HAAO: variants seen among roughly 807,000 people sequenced by gnomAD.
HAAO encodes 3-hydroxyanthranilate oxygenase.
Under a neutral mutation model 46.2 loss-of-function variants are expected in HAAO, and 49 were observed. That is an observed-to-expected ratio of 1.06 (90% CI 0.84 to 1.34). The LOEUF (loss-of-function observed/expected upper bound fraction) is 1.34. Among genes scored for constraint, HAAO ranks in the 40% most tolerant of loss-of-function variants. The pLI, the probability that HAAO is intolerant of heterozygous loss-of-function variation, is 0.00. For synonymous variants in HAAO, 157 were observed against 145.2 expected (o/e 1.08, Z -0.58); for missense variants, 408 against 364.5 (o/e 1.12, Z -0.97).
intron 1 of HAAO, among the ~76,000 whole-genome samples, chr2:42,791,350 G>A (rs553962922): frequency 3.3e-5 from 5 of 152,266 alleles, no homozygotes; most frequent in East Asian, 1.9e-4. Flanking sequence ...CAGGGGGAGC[G>A]AAGGGAGGAC....
intron 4 of HAAO, among the ~76,000 whole-genome samples, chr2:42,775,340 C>A (rs984946770): frequency 1.3e-5 from 2 of 150,122 alleles, no homozygotes; most frequent in African/African-American, 4.9e-5. Flanking sequence ...TGTATTTTGA[C>A]TGCTAAGGGG....
At chr2:42,781,388 A>G (rs1400054685) in intron 4 of HAAO, among the ~76,000 whole-genome samples, 1 of 152,170 alleles carries the variant, frequency 6.6e-6, no homozygotes, top group Non-Finnish European at 1.5e-5. Flanking sequence ...GACCTTTGGT[A>G]AGTAAAGACC....
At chr2:42,774,155 GCTCTGA>G (rs916142691) in intron 4 of HAAO, among the ~76,000 whole-genome samples, 1 of 152,170 alleles carries the variant, frequency 6.6e-6, no homozygotes, top group African/African-American at 2.4e-5. Flanking sequence ...ACCAAGCTGT[GCTCTGA>G]CTCTCTTGGG....
At chr2:42,768,010 G>C (rs1670801936) in intron 7 of HAAO, 82 bp from the exon 8 acceptor site, 1 of 1,243,058 alleles carries the variant, frequency 8.0e-7, no homozygotes, top group Non-Finnish European at 1.2e-6. Context: ...CAGACACCAG[G>C]CCTGCTTGGA....
chr2:42,767,675 C>G lies in HAAO; in HGVS notation c.702G>C (p.Glu234Asp). The change falls in exon 9 of 10, where the codon GAG becomes GAC. Residue 234 changes from glutamate (E) to aspartate (D), a missense_variant and splice_region_variant. Transcript: ENST00000294973. ...CCCCCATTGTCACCACCGAGGAGCCCTCCTGGAGAAGAGGAGCAGGAGAAT... is the reference window on the plus strand; with the variant it reads ...CCCCCATTGTCACCACCGAGGAGCCGTCCTGGAGAAGAGGAGCAGGAGAAT... ...QNVDVWLWQL[E>D]GSSVVTMGGR... 2 of 1,569,312 alleles carry G rather than the reference C, an allele frequency of 1.3e-6. No individual in the cohort carries two copies. Among genetic ancestry groups the G allele is most frequent in the Non-Finnish European group, 1.7e-6 (2 of 1,156,198 alleles).
At chr2:42,769,935 GC>G in intron 6 of HAAO, 77 bp from the exon 7 acceptor site, 1 of 1,481,398 alleles carries the variant, frequency 6.8e-7, no homozygotes, top group Non-Finnish European at 9.1e-7. Context: ...GTTCCCAGGG[GC>G]CCCAGGTCTC....
intron 4 of HAAO, among the ~76,000 whole-genome samples, chr2:42,779,407 C>T (rs373834259): frequency 1.3e-5 from 2 of 151,856 alleles, no homozygotes; most frequent in Admixed American, 6.6e-5. Flanking sequence ...TTGCAACCTC[C>T]GCCTCCCGGG....
chr2:42,775,594 CTT>C (rs34791314), intron 4 of HAAO, among the ~76,000 whole-genome samples: 1 of 148,026 alleles, frequency 6.8e-6, no homozygotes. Context: ...AGGACCTTGT[CTT>C]TTTTTTTTGA....
chr2:42,773,007 T>A (rs1671266154), intron 4 of HAAO, among the ~76,000 whole-genome samples: 1 of 150,368 alleles, frequency 6.7e-6, no homozygotes, highest in Non-Finnish European at 1.5e-5. Flanking sequence ...GAGCAATAGG[T>A]TGCTTCCTCC....
intron 7 of HAAO, among the ~76,000 whole-genome samples, chr2:42,768,655 G>C (rs1181285570): frequency 6.6e-6 from 1 of 152,178 alleles, no homozygotes; most frequent in Non-Finnish European, 1.5e-5. Flanking sequence ...TAAAGCACAA[G>C]TGAACACAGG....
At chr2:42,791,565 C>T (rs986512465) in intron 1 of HAAO, among the ~76,000 whole-genome samples, 15 of 152,160 alleles carry the variant, frequency 9.9e-5, no homozygotes, top group Non-Finnish European at 1.6e-4. Flanking sequence ...TGGAGCCTAT[C>T]GCACAGGCGC....
chr2:42,781,067 ACT>A (rs887620553), intron 4 of HAAO, among the ~76,000 whole-genome samples: 15 of 151,984 alleles, frequency 9.9e-5, no homozygotes, highest in Non-Finnish European at 1.3e-4. Flanking sequence ...ACAGAGCAAG[ACT>A]CTGTCTCAAA....
intron 1 of HAAO, among the ~76,000 whole-genome samples, chr2:42,790,507 G>T (rs529891662): frequency 7.1e-6 from 1 of 140,592 alleles, no homozygotes; most frequent in Non-Finnish European, 1.5e-5. Context: ...TTGGCCTAAG[G>T]GGTGCTGGGG....
At position 42,788,516 on chromosome 2, in the gene HAAO, C is replaced by A; in HGVS notation, c.159+13G>T. ...CCCGCAGGCCTAGATCCAGGGAGAC[C>A]AGTCAAACCTACCTCTTCACCCTCT... On this transcript the variant is annotated intron_variant, in intron 2 of 9. Coordinates refer to ENST00000294973, the MANE Select transcript of HAAO (RefSeq NM_012205.3). The A allele has an allele frequency of 6.4e-7, 1 of 1,556,262 alleles. No individual in the cohort carries two copies. Among genetic ancestry groups the A allele is most frequent in the Non-Finnish European group, 8.9e-7 (1 of 1,127,938 alleles).
chr2:42,770,362 TC>T (rs1164652648), intron 5 of HAAO, 130 bp downstream of exon 5: 18 of 881,718 alleles, frequency 2.0e-5, no homozygotes, highest in Non-Finnish European at 2.5e-5. Flanking sequence ...TGCTCCCCCC[TC>T]CCCCCGGCCT....
chr2:42,774,313 G>A (rs763514802), intron 4 of HAAO, among the ~76,000 whole-genome samples: 2 of 152,156 alleles, frequency 1.3e-5, no homozygotes, highest in African/African-American at 4.8e-5. Context: ...TCTGAGTGGA[G>A]GTGCCCCTGA....
At chr2:42,769,897 C>G (rs551135912) in intron 6 of HAAO, 39 bp from the exon 7 acceptor site, 3 of 1,554,434 alleles carry the variant, frequency 1.9e-6, no homozygotes, top group Non-Finnish European at 2.6e-6. Flanking sequence ...GTCCTCAGGA[C>G]CCAGCCCACC....
rs1017073935 is a variant in HAAO at position 42,767,301 on chromosome 2, A to T, written c.*136T>A. ...GCTGAGAAGGGCAGGAGGGTGGGTG[A>T]CAACAATGTGCAGGTCTGTGGGGGA... On this transcript the variant is annotated 3_prime_UTR_variant, in exon 10 of 10. Transcript: ENST00000294973. 2.9e-6 allele frequency: 2 copies of T among 688,086 alleles called. No homozygotes were observed. Among genetic ancestry groups the T allele is most frequent in the Admixed American group, 4.2e-5 (2 of 47,720 alleles). The allele number at this position is 688,086 out of a possible 1,614,324, so 42.6% of individuals were successfully genotyped here.
intron 3 of HAAO, 71 bp downstream of exon 3, chr2:42,783,713 G>A: frequency 7.5e-7 from 1 of 1,325,446 alleles, no homozygotes. Context: ...CCAGGGCCAG[G>A]ATGAGTGGAC....
Sources: gnomAD v4.1 joint callset for allele counts (sites outside exome capture counted in the v4.1 genomes callset) on GRCh38, gnomAD v4.1.1 for gene constraint, MANE v1.5 for transcripts, NCBI Gene and HGNC (gene_info 2026-07-23, HGNC 2026-07-21) for gene names.